IMPDH1: variants seen among roughly 807,000 people sequenced by gnomAD.
The protein encoded by IMPDH1 is inosine monophosphate dehydrogenase 1.
In IMPDH1, 41 loss-of-function variants were observed where a neutral mutation model predicts 73.5. The observed-to-expected ratio is 0.56, with a 90% CI of 0.43 to 0.72. The LOEUF (loss-of-function observed/expected upper bound fraction) is 0.72. Ranked by LOEUF, IMPDH1 falls within the 30% of genes least tolerant of loss-of-function variation. The pLI is 0.00. For synonymous variants in IMPDH1, 318 were observed against 334.3 expected (o/e 0.95, Z 0.53); for missense variants, 645 against 824.8 (o/e 0.78, Z 2.67).
chr7:128,406,295 A>AC (rs1798764681), intron 3 of IMPDH1, among the ~76,000 whole-genome samples: 2 of 8,634 alleles, frequency 2.3e-4, no homozygotes, highest in African/African-American at 9.7e-4. Flanking sequence ...ACCCCCCCAC[A>AC]CCCCCACACC....
In IMPDH1 at chr7:128,395,217, C is replaced by G. The variant is rs772441421; in HGVS notation, c.1319G>C (p.Arg440Pro). 1.2e-6 allele frequency: 2 copies of G among 1,613,910 alleles called. No individual in the cohort carries two copies. Among genetic ancestry groups the G allele is most frequent in the Non-Finnish European group, 1.7e-6 (2 of 1,180,048 alleles). ...GGCTATGATGGGCACACCAAAGCGC[C>G]GGGCATACTCAGCCACCTTGTACAC... ...TAVYKVAEYA[R>P]RFGVPIIADG... is the part of the protein sequence containing the mutation. Residue 440 changes from arginine to proline, a missense_variant, in exon 13 of 17, where the codon CGG (arginine) becomes CCG (proline). By Grantham distance (103) the Arg-to-Pro change is moderately radical (BLOSUM62 -2). Coordinates refer to ENST00000338791, the MANE Select transcript of IMPDH1 (RefSeq NM_000883.4).
At chr7:128,393,994 G>A (rs1221050388) in intron 16 of IMPDH1, among the ~76,000 whole-genome samples, 3 of 152,180 alleles carry the variant, frequency 2.0e-5, no homozygotes, top group South Asian at 4.1e-4. Flanking sequence ...AGCTTCCTGA[G>A]CAAGCAAGGG....
At chr7:128,395,652 TG>T (rs1386626751) in intron 12 of IMPDH1, among the ~76,000 whole-genome samples, 1 of 152,264 alleles carries the variant, frequency 6.6e-6, no homozygotes, top group Admixed American at 6.5e-5. Flanking sequence ...TTTGGGATAC[TG>T]GTTTGCATTT....
chr7:128,400,238 G>T, intron 8 of IMPDH1, 56 bp from the exon 9 acceptor site: 1 of 1,606,136 alleles, frequency 6.2e-7, no homozygotes, highest in Non-Finnish European at 8.5e-7. Context: ...AAGGAGCCAG[G>T]CCTCCCTCTG....
Position 128,396,583 on chromosome 7 carries a change from C to T in IMPDH1, c.1261+17G>A, listed in dbSNP as rs1435765506. 6.5e-7 allele frequency: 1 copy of T among 1,542,340 alleles called. No homozygotes were observed. The highest frequency in any genetic ancestry group is 8.8e-7 in the Non-Finnish European group (1 of 1,139,426). On this transcript the variant is annotated intron_variant, in intron 12 of 16. Coordinates refer to ENST00000338791, the MANE Select transcript of IMPDH1 (RefSeq NM_000883.4). The surrounding 1 kb of genome is among the most constrained non-coding windows in gnomAD (Gnocchi z 4.0). ...GCCCCGGGGCCAGCGGGCACTCGCTCACCTCCTGACACCCACCTTCCTGGG... is the reference window on the plus strand; with the variant it reads ...GCCCCGGGGCCAGCGGGCACTCGCTTACCTCCTGACACCCACCTTCCTGGG...
At position 128,394,517 on chromosome 7, in the gene IMPDH1, G is replaced by A. The variant is rs1229868238; in HGVS notation, c.1633C>T (p.Leu545Phe). Residue 545 changes from leucine (L) to phenylalanine (F), a missense_variant, in exon 15 of 17, where the codon CTC (leucine) becomes TTC (phenylalanine). Physicochemically the swap from Leu to Phe is conservative, Grantham distance 22. Around this residue, in one of 2 missense-constraint regions of IMPDH1, gnomAD observed 459 missense variants for 638.2 expected, o/e 0.72. Transcript: ENST00000338791. The surrounding 1 kb of genome is among the most constrained non-coding windows in gnomAD (Gnocchi z 5.5). ...CAGCCGTGTTGGATGCCTGCTATGA[G>A]GTAGGGCACGAACTTCTGAATGGAT... ...KGSIQKFVPYLIAGIQHGCQD... is the reference protein window; with the variant it reads ...KGSIQKFVPYFIAGIQHGCQD... 1 of 1,614,012 alleles carries A rather than the reference G, an allele frequency of 6.2e-7. No homozygotes were observed. Among genetic ancestry groups the A allele is most frequent in the South Asian group, 1.1e-5 (1 of 91,070 alleles).
chr7:128,409,431 T>G lies in IMPDH1; in HGVS notation c.190+10A>C. 6.2e-7 allele frequency: 1 copy of G among 1,613,988 alleles called. No homozygotes were observed. The highest frequency in any genetic ancestry group is 1.1e-5 in the South Asian group (1 of 91,064). ...GCAAGCACTGTTTGAACCCCAGGAGTTGGAGCCACCTGAACGGGGTGTCGT... is the reference window on the plus strand; with the variant it reads ...GCAAGCACTGTTTGAACCCCAGGAGGTGGAGCCACCTGAACGGGGTGTCGT... On this transcript the variant is annotated intron_variant, in intron 2 of 16. Transcript: ENST00000338791.
At chr7:128,400,039 G>T in intron 9 of IMPDH1, 56 bp downstream of exon 9, 1 of 1,324,548 alleles carries the variant, frequency 7.5e-7, no homozygotes, top group Non-Finnish European at 1.1e-6. Flanking sequence ...AGGAACAACG[G>T]GACTGTGGAC....
chr7:128,406,837 G>C (rs1200913673), intron 3 of IMPDH1, among the ~76,000 whole-genome samples: 1 of 152,194 alleles, frequency 6.6e-6, no homozygotes, highest in Non-Finnish European at 1.5e-5. Flanking sequence ...GTGGGAAGAT[G>C]GGGGAGGATC....
chr7:128,405,645 G>A (rs1367800381), intron 4 of IMPDH1, 122 bp downstream of exon 4: 2 of 1,347,680 alleles, frequency 1.5e-6, no homozygotes, highest in Non-Finnish European at 1.9e-6. Context: ...CCAGCCCCCA[G>A]CGCCCACAGC....
intron 5 of IMPDH1, among the ~76,000 whole-genome samples, 180 bp downstream of exon 5, chr7:128,403,526 C>G (rs1487599358): frequency 6.6e-6 from 1 of 150,790 alleles, no homozygotes; most frequent in African/African-American, 2.5e-5. Context: ...CCACTGCACT[C>G]CAGCCTGTGT....
Position 128,395,214 on chromosome 7 carries a change from C to T in IMPDH1, c.1322G>A (p.Arg441His). Residue 441 changes from arginine (R) to histidine (H), a missense_variant, in exon 13 of 17, where the codon CGC becomes CAC. Around this residue, in one of 2 missense-constraint regions of IMPDH1, gnomAD observed 459 missense variants for 638.2 expected, o/e 0.72. Transcript: ENST00000338791. ...AVYKVAEYAR[R>H]FGVPIIADGG... Reference sequence around the variant, plus strand: ...ATCGGCTATGATGGGCACACCAAAGCGCCGGGCATACTCAGCCACCTTGTA... The same window carrying T: ...ATCGGCTATGATGGGCACACCAAAGTGCCGGGCATACTCAGCCACCTTGTA... The T allele has an allele frequency of 1.9e-6, 3 of 1,613,922 alleles. No individual in the cohort carries two copies. Among genetic ancestry groups the T allele is most frequent in the Non-Finnish European group, 2.5e-6 (3 of 1,180,046 alleles).
chr7:128,405,970 T>TGAC (rs1798715206), intron 3 of IMPDH1, 105 bp from the exon 4 acceptor site: 1 of 959,774 alleles, frequency 1.0e-6, no homozygotes, highest in Non-Finnish European at 1.3e-6. Flanking sequence ...GCCACGCTGC[T>TGAC]GCCGCGGGCC....
Position 128,400,316 on chromosome 7 carries a change from C to T in IMPDH1, c.786+17G>A. On this transcript the variant is annotated intron_variant, in intron 8 of 16. Coordinates refer to ENST00000338791, the MANE Select transcript of IMPDH1 (RefSeq NM_000883.4). ...TCCTCTCTACACCCAGCCCTGCTTC[C>T]CCTGCCCTGCAGGTACCTCACTGAG... 1 of 1,612,494 alleles carries T rather than the reference C, an allele frequency of 6.2e-7. No homozygotes were observed. The highest frequency in any genetic ancestry group is 8.5e-7 in the Non-Finnish European group (1 of 1,178,836).
At chr7:128,399,996 G>A in intron 9 of IMPDH1, 99 bp downstream of exon 9, 1 of 952,924 alleles carries the variant, frequency 1.0e-6, no homozygotes, top group East Asian at 2.4e-5. Context: ...CCAGGGCTCA[G>A]TCTGGTTGCT....
In IMPDH1 at chr7:128,395,241, A is replaced by G. The variant is rs1341721549; in HGVS notation, c.1295T>C (p.Val432Ala). 1 of 1,613,590 alleles carries G rather than the reference A, an allele frequency of 6.2e-7. No homozygotes were observed. The highest frequency in any genetic ancestry group is 8.5e-7 in the Non-Finnish European group (1 of 1,180,046). Residue 432 changes from valine (V) to alanine (A), a missense_variant, in exon 13 of 17, where the codon GTG becomes GCG. Coordinates refer to ENST00000338791, the MANE Select transcript of IMPDH1 (RefSeq NM_000883.4). ...CCGGGCATACTCAGCCACCTTGTAC[A>G]CAGCAGTGCCCTGGGGCCGACCACA... The part of the protein sequence containing the change: ...MACGRPQGTA[V>A]YKVAEYARRF...
chr7:128,395,102 G>A (rs749749684), intron 13 of IMPDH1, 29 bp downstream of exon 13: 4 of 1,613,796 alleles, frequency 2.5e-6, no homozygotes, highest in Non-Finnish European at 2.5e-6. Context: ...GCCCTCGCCT[G>A]CCCAATCCCC....
Position 128,400,152 on chromosome 7 carries a change from C to A in IMPDH1, c.817G>T (p.Ala273Ser), listed in dbSNP as rs1198667841. The change falls in exon 9 of 17, where the codon GCT becomes TCT. Residue 273 changes from alanine (A) to serine (S), a missense_variant. Ala to Ser is a moderately conservative substitution (Grantham distance 99). Coordinates refer to ENST00000338791, the MANE Select transcript of IMPDH1 (RefSeq NM_000883.4). The stretch of plus-strand genomic sequence containing the variant: ...TCTTTCAACGTCACACCTGCTGGAG[C>A]CACCACCAGTTCAATCCTTGGCGTC... ...VMTPRIELVV[A>S]PAGVTLKEAN... The A allele has an allele frequency of 6.2e-7, 1 of 1,614,080 alleles. No homozygotes were observed. Among genetic ancestry groups the A allele is most frequent in the Admixed American group, 1.7e-5 (1 of 60,028 alleles).
chr7:128,396,712 G>A lies in IMPDH1; in HGVS notation c.1166-17C>T. On this transcript the variant is annotated splice_polypyrimidine_tract_variant and intron_variant, in intron 11 of 16. Transcript: ENST00000338791. The surrounding 1 kb of genome is among the most constrained non-coding windows in gnomAD (Gnocchi z 4.0). ...CTGTCACCACTGGGGGTGGGGATGG[G>A]GCAGAGGAACAATGTGAGGATGGGA... 1 of 1,545,012 alleles carries A rather than the reference G, an allele frequency of 6.5e-7. No individual in the cohort carries two copies. Among genetic ancestry groups the A allele is most frequent in the Non-Finnish European group, 8.8e-7 (1 of 1,141,066 alleles).
Sources: gnomAD v4.1 joint callset for allele counts (sites outside exome capture counted in the v4.1 genomes callset) on GRCh38, gnomAD v4.1.1 for gene constraint, gnomAD v4.1.1 regional missense constraint, Gnocchi (gnomAD v3.1) non-coding constraint, MANE v1.5 for transcripts, NCBI Gene and HGNC (gene_info 2026-07-23, HGNC 2026-07-21) for gene names.